RAP1GAP: variants seen among roughly 807,000 people sequenced by gnomAD.
RAP1GAP encodes the protein rap1 GTPase-activating protein 1.
RAP1GAP carries 35 observed loss-of-function variants against 87.2 expected under a neutral mutation model. That is an observed-to-expected ratio of 0.40 (90% CI 0.31 to 0.53). The LOEUF (loss-of-function observed/expected upper bound fraction) is 0.53. Ranked by LOEUF, RAP1GAP falls within the 20% of genes least tolerant of loss-of-function variation. The pLI is 0.48. For synonymous variants in RAP1GAP, 375 were observed against 363.9 expected (o/e 1.03, Z -0.35); for missense variants, 734 against 898.9 (o/e 0.82, Z 2.35).
rs1481104425 is a variant in RAP1GAP, at chr1:21,615,193, A to C, written c.292-1104T>G. 6.6e-6 allele frequency among the ~76,000 whole-genome samples: 1 copy of C among 152,178 alleles called. No homozygotes were observed. The highest frequency in any genetic ancestry group is 1.9e-4 in the East Asian group (1 of 5,182). The stretch of plus-strand genomic sequence containing the variant: ...AAGCCCAGAGGAGCCCCCGGGACAC[A>C]GTGGGAGAGCGGGCTCAGGGTCCCA... On this transcript the variant is annotated intron_variant, in intron 7 of 24. Coordinates refer to ENST00000374765, the MANE Select transcript of RAP1GAP (RefSeq NM_002885.4). This position sits in a 1 kb window ranked among gnomAD's most constrained non-coding sequence, Gnocchi z 4.5.
chr1:21,660,352 T>TATATATATATATATATATATATATATATA (rs1248298305), intron 1 of RAP1GAP, among the ~76,000 whole-genome samples: 14 of 85,954 alleles, frequency 1.6e-4, no homozygotes, highest in East Asian at 6.2e-4. Context: ...TATATATTTA[T>TATATATATATATATATATATATATATATA]TGAGACAGTC....
At chr1:21,614,138 GC>G (rs2080353661) in intron 7 of RAP1GAP, 49 bp from the exon 8 acceptor site, 1 of 1,354,430 alleles carries the variant, frequency 7.4e-7, no homozygotes, top group Non-Finnish European at 1.0e-6. Context: ...TGAGCATGGG[GC>G]TTTTGGAAAC....
intron 2 of RAP1GAP, 64 bp from the exon 3 acceptor site, chr1:21,626,461 G>C: frequency 1.5e-6 from 2 of 1,338,564 alleles, no homozygotes; most frequent in Non-Finnish European, 1.1e-6. Context: ...AACTCTGGGA[G>C]AGTCACTCTC....
intron 1 of RAP1GAP, among the ~76,000 whole-genome samples, chr1:21,659,755 G>A (rs931506891): frequency 6.6e-5 from 10 of 152,192 alleles, no homozygotes; most frequent in Admixed American, 2.0e-4. Flanking sequence ...CCTATCACCC[G>A]TGCGCTGCAG....
chr1:21,601,507 T>C (rs1406221090), intron 20 of RAP1GAP, among the ~76,000 whole-genome samples, 177 bp downstream of exon 20: 3 of 152,212 alleles, frequency 2.0e-5, no homozygotes, highest in African/African-American at 7.2e-5. Context: ...GGGCTGGGCG[T>C]GCACAAAGTG....
At chr1:21,608,801 G>A in intron 16 of RAP1GAP, 49 bp downstream of exon 16, 7 of 1,538,918 alleles carry the variant, frequency 4.5e-6, no homozygotes, top group Non-Finnish European at 6.3e-6. Flanking sequence ...TGAAGTTATA[G>A]GTTGGAAGGT....
At chr1:21,656,588 G>A (rs1037978880) in intron 1 of RAP1GAP, among the ~76,000 whole-genome samples, 1 of 152,186 alleles carries the variant, frequency 6.6e-6, no homozygotes, top group Non-Finnish European at 1.5e-5. Flanking sequence ...TGGAAAAAGA[G>A]TCTCCTGGGG....
chr1:21,601,546 C>T, intron 20 of RAP1GAP, 138 bp downstream of exon 20: 1 of 547,018 alleles, frequency 1.8e-6, no homozygotes, highest in Non-Finnish European at 3.0e-6. Context: ...AAGGAGGGCC[C>T]CAGAGAATGC....
At chr1:21,626,815 T>C (rs746568067) in intron 2 of RAP1GAP, 24 of 446,120 alleles carry the variant, frequency 5.4e-5, no homozygotes, top group Non-Finnish European at 9.0e-5. Context: ...GCTACCGCTA[T>C]TACGAATGAC....
Position 21,655,985 on chromosome 1 carries a change from A to G in RAP1GAP, c.-148-6189T>C, listed in dbSNP as rs530082777. Among the ~76,000 whole-genome samples, 4 of 152,314 alleles carry G rather than the reference A, an allele frequency of 2.6e-5. No homozygotes were observed. In the East Asian group the frequency reaches 7.7e-4, roughly 29 times the overall value. On this transcript the variant is annotated intron_variant, in intron 1 of 24. Coordinates refer to ENST00000374765, the MANE Select transcript of RAP1GAP (RefSeq NM_002885.4). ...TCCCCGAGTCATACTCATTCAGGAT[A>G]TCTGCCCCAGGCCTCTTGGGCAGGA...
intron 2 of RAP1GAP, among the ~76,000 whole-genome samples, chr1:21,641,074 A>ATTTTTTTT (rs546229041): frequency 2.3e-5 from 3 of 132,134 alleles, no homozygotes; most frequent in Non-Finnish European, 1.6e-5. Flanking sequence ...CGCCCAGCTA[A>ATTTTTTTT]TTTTTTTTTT....
intron 2 of RAP1GAP, among the ~76,000 whole-genome samples, chr1:21,640,053 G>A (rs1279087043): frequency 1.5e-5 from 2 of 129,548 alleles, no homozygotes; most frequent in African/African-American, 3.0e-5. Flanking sequence ...CCCCATCCCC[G>A]GCCCCCCTCC....
intron 21 of RAP1GAP, 90 bp from the exon 22 acceptor site, chr1:21,598,592 T>A: frequency 9.4e-7 from 1 of 1,065,374 alleles, no homozygotes; most frequent in Non-Finnish European, 1.4e-6. Context: ...CTCACTGCAT[T>A]CCACAACCCC....
At chr1:21,616,716 C>G (rs1176600100) in intron 7 of RAP1GAP, among the ~76,000 whole-genome samples, 5 of 152,212 alleles carry the variant, frequency 3.3e-5, no homozygotes, top group African/African-American at 9.7e-5. Context: ...GGGGCAGGGG[C>G]TGCATCAACC....
chr1:21,605,658 C>T (rs1372632487), intron 18 of RAP1GAP, among the ~76,000 whole-genome samples: 3 of 151,556 alleles, frequency 2.0e-5, no homozygotes, highest in Admixed American at 6.6e-5. Flanking sequence ...GCCCACAGCC[C>T]GACACACAGT....
Position 21,669,260 on chromosome 1 carries a change from G to T in RAP1GAP, c.-155C>A. 1 of 1,240,764 alleles carries T rather than the reference G, an allele frequency of 8.1e-7. No individual in the cohort carries two copies. Among genetic ancestry groups the T allele is most frequent in the Non-Finnish European group, 1.0e-6 (1 of 968,972 alleles). 76.9% of individuals were successfully genotyped at this position (1,240,764 alleles called of 1,614,324 possible). ...CCTGGCGGGGCGCACTCACCCAAGGGCCTGGGCCGGGGGCGTCCTGGGCTC... is the reference window on the plus strand; with the variant it reads ...CCTGGCGGGGCGCACTCACCCAAGGTCCTGGGCCGGGGGCGTCCTGGGCTC... On this transcript the variant is annotated 5_prime_UTR_variant, in exon 1 of 25. Coordinates refer to ENST00000374765, the MANE Select transcript of RAP1GAP (RefSeq NM_002885.4). This position sits in a 1 kb window ranked among gnomAD's most constrained non-coding sequence, Gnocchi z 5.6.
In RAP1GAP at chr1:21,603,257, G is replaced by A. The variant is rs2070667805; in HGVS notation, c.1429-344C>T. The stretch of plus-strand genomic sequence containing the variant: ...GGCTCTGTGGGATCTGCAGCCTAAG[G>A]GCAGTGGTCAGAGGGCAGTGTAGCA... On this transcript the variant is annotated intron_variant, in intron 18 of 24. Coordinates refer to ENST00000374765, the MANE Select transcript of RAP1GAP (RefSeq NM_002885.4). The surrounding 1 kb of genome is among the most constrained non-coding windows in gnomAD (Gnocchi z 6.0). 3 of 399,896 alleles carry A rather than the reference G, an allele frequency of 7.5e-6. No individual in the cohort carries two copies. The highest frequency in any genetic ancestry group is 4.1e-5 in the South Asian group (1 of 24,464). 24.8% of individuals were successfully genotyped at this position (399,896 alleles called of 1,614,324 possible).
At chr1:21,630,704 C>T (rs576960957) in intron 2 of RAP1GAP, among the ~76,000 whole-genome samples, 45 of 151,796 alleles carry the variant, frequency 3.0e-4, no homozygotes, top group Admixed American at 5.2e-4. Context: ...GGTGTGTGCT[C>T]GGCTAATTAA....
In RAP1GAP at chr1:21,609,597, G is replaced by A. The variant is rs767158442; in HGVS notation, c.1049C>T (p.Pro350Leu). The A allele has an allele frequency of 3.8e-6, 6 of 1,577,632 alleles. No individual in the cohort carries two copies. Among genetic ancestry groups the A allele is most frequent in the Non-Finnish European group, 5.2e-6 (6 of 1,162,116 alleles). The part of the protein sequence containing the change: ...DDVPFFGPPL[P>L]DPAVFRKGPE... Reference sequence around the variant, plus strand: ...CACCTTCCTGAACACAGCGGGGTCCGGGAGGGGGGGTCCAAAGAAGGGCAC... The same window carrying A: ...CACCTTCCTGAACACAGCGGGGTCCAGGAGGGGGGGTCCAAAGAAGGGCAC... The change falls in exon 15 of 25, where the codon CCG becomes CTG. Residue 350 changes from proline (P) to leucine (L), a missense_variant. By Grantham distance (98) the Pro-to-Leu change is moderately conservative. Around this residue, in one of 2 missense-constraint regions of RAP1GAP, gnomAD observed 485 missense variants for 646.2 expected, o/e 0.75. Transcript: ENST00000374765. The surrounding 1 kb of genome is among the most constrained non-coding windows in gnomAD (Gnocchi z 4.4).
Sources: gnomAD v4.1 joint callset for allele counts (sites outside exome capture counted in the v4.1 genomes callset) on GRCh38, gnomAD v4.1.1 for gene constraint, gnomAD v4.1.1 regional missense constraint, Gnocchi (gnomAD v3.1) non-coding constraint, MANE v1.5 for transcripts, NCBI Gene and HGNC (gene_info 2026-07-23, HGNC 2026-07-21) for gene names.